Variants in ZNF804B observed in about 807,000 individuals in gnomAD.
The protein encoded by ZNF804B is zinc finger 804B.
ZNF804B carries 80 observed loss-of-function variants against 101.4 expected under a neutral mutation model. The observed-to-expected ratio is 0.79, with a 90% CI of 0.66 to 0.95. ZNF804B has a LOEUF of 0.95. ZNF804B is among the 40% of genes least tolerant of loss of function. ZNF804B has a pLI of 0.00. For missense variants in ZNF804B, 1,673 were observed against 1,561.9 expected (o/e 1.07, Z -1.20); for synonymous variants, 622 against 558.8 (o/e 1.11, Z -1.59).
At chr7:88,872,834 G>A (rs62464060) in intron 1 of ZNF804B, among the ~76,000 whole-genome samples, 61,180 of 146,500 alleles carry the variant, frequency 0.42, 13,670 homozygotes, top group African/African-American at 0.6. Context: ...ATTCCATGGT[G>A]TATATGTGCC....
chr7:89,079,829 T>C (rs1269077394), intron 1 of ZNF804B, among the ~76,000 whole-genome samples: 4 of 151,868 alleles, frequency 2.6e-5, no homozygotes, highest in Non-Finnish European at 5.9e-5. Flanking sequence ...GTCCAACAAC[T>C]CTGAGATGAG....
intron 1 of ZNF804B, among the ~76,000 whole-genome samples, chr7:88,928,869 T>G (rs1528932): frequency 4.6e-5 from 7 of 151,984 alleles, no homozygotes; most frequent in African/African-American, 1.7e-4. Context: ...GTTATTATTA[T>G]TGACTAATCA....
intron 1 of ZNF804B, among the ~76,000 whole-genome samples, chr7:89,023,395 A>C (rs934312862): frequency 3.3e-5 from 5 of 152,214 alleles, no homozygotes; most frequent in African/African-American, 4.8e-5. Context: ...GACTTGACAC[A>C]GATTAACATT....
chr7:88,943,332 G>A (rs2116051170), intron 1 of ZNF804B, among the ~76,000 whole-genome samples: 1 of 151,964 alleles, frequency 6.6e-6, no homozygotes, highest in African/African-American at 2.4e-5. Flanking sequence ...ACAGGAGTAT[G>A]ATTACCAGCA....
intron 1 of ZNF804B, among the ~76,000 whole-genome samples, chr7:89,161,137 TG>T (rs1373344205): frequency 6.6e-6 from 1 of 152,038 alleles, no homozygotes; most frequent in East Asian, 2.0e-4. Flanking sequence ...AACTGAGAGC[TG>T]ACTCCTACAA....
At chr7:89,044,405 A>G (rs1789070488) in intron 1 of ZNF804B, among the ~76,000 whole-genome samples, 1 of 152,200 alleles carries the variant, frequency 6.6e-6, no homozygotes. Flanking sequence ...GTAAATTGGT[A>G]TCACAGAAAG....
chr7:88,907,014 T>C (rs1792480824), intron 1 of ZNF804B, among the ~76,000 whole-genome samples: 1 of 152,212 alleles, frequency 6.6e-6, no homozygotes, highest in Middle Eastern at 3.4e-3. Flanking sequence ...TTAATTGTTA[T>C]AGGCTTACAG....
intron 2 of ZNF804B, among the ~76,000 whole-genome samples, chr7:89,326,754 G>A (rs908376520): frequency 6.6e-6 from 1 of 152,004 alleles, no homozygotes; most frequent in African/African-American, 2.4e-5. Context: ...GCAGGGCCAT[G>A]CCTCTATTCT....
intron 1 of ZNF804B, among the ~76,000 whole-genome samples, chr7:89,089,355 G>A (rs1789850264): frequency 6.8e-6 from 1 of 146,330 alleles, no homozygotes; most frequent in Non-Finnish European, 1.5e-5. Context: ...CTATGTTTTC[G>A]GAAAAATTTT....
intron 1 of ZNF804B, among the ~76,000 whole-genome samples, chr7:89,034,563 C>G (rs868711045): frequency 1.3e-5 from 2 of 151,882 alleles, no homozygotes; most frequent in South Asian, 2.1e-4. Flanking sequence ...ATCCATGTCC[C>G]TGCAAAAGGC....
At position 89,140,302 on chromosome 7, in the gene ZNF804B, C is replaced by T. The variant is rs371354865; in HGVS notation, c.109-77853C>T. 5.9e-5 allele frequency among the ~76,000 whole-genome samples: 9 copies of T among 151,916 alleles called. No individual in the cohort carries two copies. The East Asian group carries it at 1.2e-3, about 20-fold the overall frequency. ...TAATTCTTAGTGGCTCTAGCATTTTCGGAATGGTAAAGGTGCATTGGCTTC... is the reference window on the plus strand; with the variant it reads ...TAATTCTTAGTGGCTCTAGCATTTTTGGAATGGTAAAGGTGCATTGGCTTC... On this transcript the variant is annotated intron_variant, in intron 1 of 3. Transcript: ENST00000333190.
At chr7:88,929,833 T>A (rs1320223028) in intron 1 of ZNF804B, among the ~76,000 whole-genome samples, 1 of 151,988 alleles carries the variant, frequency 6.6e-6, no homozygotes, top group African/African-American at 2.4e-5. Context: ...AGATTTAGTT[T>A]ATAAAAAATC....
At chr7:89,077,119 T>C (rs1488275889) in intron 1 of ZNF804B, among the ~76,000 whole-genome samples, 1 of 46,608 alleles carries the variant, frequency 2.1e-5, no homozygotes, top group Non-Finnish European at 4.5e-5. Flanking sequence ...CCTGTCATAA[T>C]GGTCAGTAAT....
intron 1 of ZNF804B, among the ~76,000 whole-genome samples, chr7:88,870,235 A>G (rs1460310684): frequency 6.6e-6 from 1 of 150,844 alleles, no homozygotes; most frequent in Admixed American, 6.6e-5. Context: ...AAATACAAAA[A>G]TTAGCCGGGC....
intron 1 of ZNF804B, among the ~76,000 whole-genome samples, chr7:88,849,824 G>A (rs13221250): frequency 4.0e-5 from 6 of 151,028 alleles, no homozygotes; most frequent in Non-Finnish European, 8.9e-5. Flanking sequence ...TAATTGCAAG[G>A]TTATTTTAAA....
At chr7:89,225,127 C>A (rs549432636) in intron 2 of ZNF804B, among the ~76,000 whole-genome samples, 1 of 152,138 alleles carries the variant, frequency 6.6e-6, no homozygotes, top group African/African-American at 2.4e-5. Flanking sequence ...GGACATTTCC[C>A]TTTTACCTTA....
chr7:89,270,131 T>G (rs1012036071), intron 2 of ZNF804B, among the ~76,000 whole-genome samples: 6 of 152,180 alleles, frequency 3.9e-5, no homozygotes, highest in Non-Finnish European at 5.9e-5. Context: ...AGACATGAAG[T>G]CCTTGCCCAT....
At chr7:89,162,176 T>C (rs991902813) in intron 1 of ZNF804B, among the ~76,000 whole-genome samples, 2 of 152,146 alleles carry the variant, frequency 1.3e-5, no homozygotes, top group Admixed American at 6.6e-5. Context: ...CTACAGCTGG[T>C]CACCATTTTT....
intron 2 of ZNF804B, among the ~76,000 whole-genome samples, chr7:89,305,275 A>G (rs774241914): frequency 3.2e-4 from 49 of 152,036 alleles, no homozygotes; most frequent in African/African-American, 1.1e-3. Flanking sequence ...AGTGGCCACC[A>G]GTCAATTTGA....
Sources: allele counts gnomAD v4.1 joint callset (sites outside exome capture counted in the v4.1 genomes callset), GRCh38; gene constraint gnomAD v4.1.1; transcripts MANE v1.5; gene names NCBI Gene and HGNC (gene_info 2026-07-23, HGNC 2026-07-21).